EPC1: variants seen among roughly 807,000 people sequenced by gnomAD.
EPC1 encodes the protein enhancer of polycomb homolog 1.
A neutral mutation model predicts 98.4 loss-of-function variants in EPC1; 12 were observed. The ratio of observed to expected loss-of-function variants is 0.12; its 90% CI spans 0.08 to 0.20. The LOEUF (loss-of-function observed/expected upper bound fraction) is 0.20, where lower values mean the gene tolerates loss of function less well. EPC1 is among the 10% of genes least tolerant of loss of function. The pLI, the probability that EPC1 is intolerant of heterozygous loss-of-function variation, is 1.00. For missense variants in EPC1, 729 were observed against 990.5 expected, an observed-to-expected ratio of 0.74 and a Z score of 3.54; for synonymous variants, 357 against 363.9, an observed-to-expected ratio of 0.98 and a Z score of 0.21.
upstream of EPC1, chr10:32,347,189 A>G: frequency 8.0e-7 from 1 of 1,246,994 alleles, no homozygotes; most frequent in South Asian, 3.0e-5. Flanking sequence ...GCCATTCCCC[A>G]CACTGCATCG....
At position 32,291,075 on chromosome 10, in the gene EPC1, C is replaced by T. The variant is rs572690151; in HGVS notation, c.975+88G>A. 1.3e-4 allele frequency: 165 copies of T among 1,267,032 alleles called. No individual in the cohort carries two copies. The Middle Eastern group carries it at 3.3e-3, about 25-fold the overall frequency. 78.5% of individuals were successfully genotyped at this position (1,267,032 alleles called of 1,614,324 possible). On this transcript the variant is annotated intron_variant, in intron 6 of 13. Transcript: ENST00000319778. ...TACAGGCGTGAGCCACTGTGCCCGGCCTATGTGTGTTTTTCTTTTTAACTT... is the reference window on the plus strand; with the variant it reads ...TACAGGCGTGAGCCACTGTGCCCGGTCTATGTGTGTTTTTCTTTTTAACTT...
At chr10:32,373,529 G>A (rs752275534) in intron 1 of EPC1, among the ~76,000 whole-genome samples, 1 of 152,142 alleles carries the variant, frequency 6.6e-6, no homozygotes, top group Non-Finnish European at 1.5e-5. Flanking sequence ...AACCAATCCT[G>A]GTAATTTCAG....
intron 10 of EPC1, among the ~76,000 whole-genome samples, chr10:32,279,342 T>C (rs1411815441): frequency 6.0e-5 from 9 of 148,872 alleles, no homozygotes; most frequent in African/African-American, 2.3e-4. Flanking sequence ...AGTGAGACTC[T>C]GTCTTAAAAA....
At chr10:32,378,767 A>G (rs962160348) in exon 1 of EPC1, 1 of 345,472 alleles carries the variant, frequency 2.9e-6, no homozygotes, top group African/African-American at 2.1e-5. Flanking sequence ...CTCTGGGGTT[A>G]ACAACTTTGC....
chr10:32,271,300 T>C (rs1022990323), intron 13 of EPC1, among the ~76,000 whole-genome samples: 1 of 152,184 alleles, frequency 6.6e-6, no homozygotes, highest in Non-Finnish European at 1.5e-5. Context: ...ATAACTATTG[T>C]TATAGTAAGA....
chr10:32,354,092 C>T (rs1839202020), intron 1 of EPC1, among the ~76,000 whole-genome samples: 1 of 152,086 alleles, frequency 6.6e-6, no homozygotes, highest in African/African-American at 2.4e-5. Flanking sequence ...TGTACATAAT[C>T]TTTAAGAACT....
intron 1 of EPC1, among the ~76,000 whole-genome samples, chr10:32,343,847 C>T (rs1456459065): frequency 6.6e-6 from 1 of 152,174 alleles, no homozygotes; most frequent in African/African-American, 2.4e-5. Context: ...GGATTTCTGT[C>T]AAGTATATCC....
At chr10:32,276,886 C>A (rs1054650879) in intron 10 of EPC1, among the ~76,000 whole-genome samples, 1 of 152,174 alleles carries the variant, frequency 6.6e-6, no homozygotes, top group Non-Finnish European at 1.5e-5. Flanking sequence ...GTAATTCCCA[C>A]AAAGGTGGAC....
chr10:32,307,630 T>C (rs1042990803), intron 1 of EPC1, among the ~76,000 whole-genome samples: 7 of 152,294 alleles, frequency 4.6e-5, no homozygotes, highest in African/African-American at 1.7e-4. Flanking sequence ...TGTGTGTATA[T>C]GGGGTGGGGA....
chr10:32,273,686 A>G (rs1032532193), intron 10 of EPC1, among the ~76,000 whole-genome samples: 4 of 152,144 alleles, frequency 2.6e-5, no homozygotes, highest in Admixed American at 2.6e-4. Flanking sequence ...TTTGGTTTCT[A>G]TTTAATCCAT....
chr10:32,362,165 T>C (rs1183113069), intron 1 of EPC1, among the ~76,000 whole-genome samples: 2 of 152,226 alleles, frequency 1.3e-5, no homozygotes, highest in East Asian at 3.8e-4. Context: ...TTTCACTTTA[T>C]GGTCTTGCCC....
intron 1 of EPC1, among the ~76,000 whole-genome samples, chr10:32,321,340 T>C (rs2505409): frequency 0.62 from 93,870 of 151,886 alleles, 30,130 homozygotes; most frequent in Middle Eastern, 0.76. Context: ...TGCAGATCTT[T>C]AATATAGATC....
intron 1 of EPC1, among the ~76,000 whole-genome samples, chr10:32,307,740 AC>A (rs34576846): frequency 5.3e-5 from 8 of 152,256 alleles, no homozygotes; most frequent in Non-Finnish European, 1.0e-4. Context: ...ATTTTTGCCA[AC>A]CCCAGTGTAT....
At chr10:32,354,040 G>A (rs1179795935) in intron 1 of EPC1, among the ~76,000 whole-genome samples, 1 of 152,110 alleles carries the variant, frequency 6.6e-6, no homozygotes, top group East Asian at 1.9e-4. Flanking sequence ...AACAATATCT[G>A]AAGTACTGAT....
At chr10:32,346,536 G>C (rs559304472) in intron 1 of EPC1, 1 of 549,424 alleles carries the variant, frequency 1.8e-6, no homozygotes, top group Admixed American at 3.3e-5. Flanking sequence ...GCGGGACCCG[G>C]GTACAAGTGG....
At chr10:32,363,079 CTT>C (rs368542007) in intron 1 of EPC1, among the ~76,000 whole-genome samples, 211 of 152,186 alleles carry the variant, frequency 1.4e-3, no homozygotes, top group African/African-American at 4.9e-3. Flanking sequence ...GGAGACAACT[CTT>C]TATTACCTGA....
chr10:32,360,280 T>C (rs1475562713), intron 1 of EPC1, among the ~76,000 whole-genome samples: 1 of 152,248 alleles, frequency 6.6e-6, no homozygotes, highest in African/African-American at 2.4e-5. Context: ...TGTATATGTC[T>C]ACAAGGAGCC....
rs114119804 is a variant in EPC1 at position 32,336,665 on chromosome 10, T to C, written c.153+10098A>G. 2.9e-3 allele frequency among the ~76,000 whole-genome samples: 446 copies of C among 152,176 alleles called. 1 individual carries two copies. The highest frequency in any genetic ancestry group is 0.01 in the African/African-American group (417 of 41,506). On this transcript the variant is annotated intron_variant, in intron 1 of 13. Coordinates refer to ENST00000319778, the MANE Select transcript of EPC1 (RefSeq NM_001272004.3). ...ATACCTCATAGAGAAAATACAACCA[T>C]AGGATAAACTACCTCATCCTGTCAT...
At chr10:32,337,663 A>G (rs939744726) in intron 1 of EPC1, among the ~76,000 whole-genome samples, 3 of 152,174 alleles carry the variant, frequency 2.0e-5, no homozygotes, top group African/African-American at 7.2e-5. Context: ...CTTTGTAACT[A>G]ATTTTTAAAA....
Sources: allele counts gnomAD v4.1 joint callset (sites outside exome capture counted in the v4.1 genomes callset), GRCh38; gene constraint gnomAD v4.1.1; transcripts MANE v1.5; gene names NCBI Gene and HGNC (gene_info 2026-07-23, HGNC 2026-07-21).